Variants in SCD5 observed in about 807,000 individuals in gnomAD.
The protein encoded by SCD5 is acyl-CoA-desaturase 4.
A neutral mutation model predicts 30.4 loss-of-function variants in SCD5; 20 were observed. The ratio of observed to expected loss-of-function variants is 0.66; its 90% confidence interval spans 0.46 to 0.96. The LOEUF (loss-of-function observed/expected upper bound fraction) is 0.96. Ranked by LOEUF, SCD5 falls within the 40% of genes least tolerant of loss-of-function variation. The probability of loss-of-function intolerance (pLI) is 0.00; values close to 1 mark genes in which losing one functional copy is unlikely to be tolerated. For missense variants in SCD5, 381 were observed against 443.3 expected, an observed-to-expected ratio of 0.86 and a Z score of 1.26; for synonymous variants, 173 against 176.4, an observed-to-expected ratio of 0.98 and a Z score of 0.16.
At chr4:82,652,097 C>T (rs1405460418) in intron 3 of SCD5, among the ~76,000 whole-genome samples, 1 of 152,132 alleles carries the variant, frequency 6.6e-6, no homozygotes, top group Admixed American at 6.6e-5. Context: ...AACTACACTT[C>T]GAGGAGTGAG....
chr4:82,762,700 C>T (rs1478057523), intron 1 of SCD5, among the ~76,000 whole-genome samples: 2 of 152,102 alleles, frequency 1.3e-5, no homozygotes, highest in African/African-American at 4.8e-5. Context: ...AGGAAGGGTC[C>T]GTGTTTGCAG....
At chr4:82,633,449 A>G (rs995394296) in intron 4 of SCD5, among the ~76,000 whole-genome samples, 2 of 152,226 alleles carry the variant, frequency 1.3e-5, no homozygotes, top group Non-Finnish European at 2.9e-5. Context: ...ACATGGGAGT[A>G]TAGATATCTC....
intron 4 of SCD5, 74 bp from the exon 5 acceptor site, chr4:82,631,591 T>C: frequency 6.6e-7 from 1 of 1,506,926 alleles, no homozygotes; most frequent in Non-Finnish European, 9.0e-7. Context: ...CACCTATTTT[T>C]TCAGGGTTTA....
At chr4:82,730,214 ATATAT>A (rs892789656) in intron 1 of SCD5, among the ~76,000 whole-genome samples, 72 of 146,542 alleles carry the variant, frequency 4.9e-4, no homozygotes, top group African/African-American at 1.1e-3. Flanking sequence ...TATATAATAC[ATATAT>A]TATATTATAT....
At chr4:82,696,731 CCTAGAA>C (rs1389546714) in intron 2 of SCD5, among the ~76,000 whole-genome samples, 3 of 152,192 alleles carry the variant, frequency 2.0e-5, no homozygotes, top group African/African-American at 7.2e-5. Flanking sequence ...GGTTGGGAAA[CCTAGAA>C]AGCAGCAGCA....
chr4:82,692,664 C>T (rs1719574981), intron 2 of SCD5, among the ~76,000 whole-genome samples: 1 of 152,196 alleles, frequency 6.6e-6, no homozygotes. Context: ...CAGTGGATTT[C>T]ACACTCAAGG....
chr4:82,780,878 G>C (rs1448870210), intron 1 of SCD5, among the ~76,000 whole-genome samples: 1 of 152,262 alleles, frequency 6.6e-6, no homozygotes, highest in Non-Finnish European at 1.5e-5. Flanking sequence ...CGTCAGGGGA[G>C]GTCCGGGCAC....
intron 1 of SCD5, among the ~76,000 whole-genome samples, chr4:82,772,153 C>A (rs962044593): frequency 1.3e-5 from 2 of 152,100 alleles, no homozygotes; most frequent in African/African-American, 4.8e-5. Flanking sequence ...GAAAGGAGTC[C>A]AGAATGACAG....
chr4:82,754,559 C>G (rs769642453), intron 1 of SCD5, among the ~76,000 whole-genome samples: 3 of 151,686 alleles, frequency 2.0e-5, no homozygotes, highest in Admixed American at 2.0e-4. Context: ...CCTAACCCGA[C>G]AGGGAGGAAA....
At chr4:82,769,350 G>C (rs773458496) in intron 1 of SCD5, among the ~76,000 whole-genome samples, 1 of 152,108 alleles carries the variant, frequency 6.6e-6, no homozygotes, top group African/African-American at 2.4e-5. Context: ...AATTAATAAG[G>C]GGCCATCACA....
intron 1 of SCD5, among the ~76,000 whole-genome samples, chr4:82,788,453 T>C (rs978612920): frequency 1.3e-5 from 2 of 152,312 alleles, no homozygotes; most frequent in Non-Finnish European, 2.9e-5. Flanking sequence ...TGCAGCGGCA[T>C]GATCTCGGCT....
intron 1 of SCD5, among the ~76,000 whole-genome samples, chr4:82,777,592 G>A (rs1409483145): frequency 1.3e-5 from 2 of 152,208 alleles, no homozygotes; most frequent in Non-Finnish European, 2.9e-5. Context: ...GTGGTTAAAT[G>A]CACTGCTATC....
intron 1 of SCD5, among the ~76,000 whole-genome samples, chr4:82,778,607 C>T (rs752275813): frequency 1.3e-5 from 2 of 152,186 alleles, no homozygotes; most frequent in African/African-American, 2.4e-5. Flanking sequence ...AAACTTGCCA[C>T]TCTGATGACC....
At chr4:82,679,229 AAAG>A (rs1200174644) in intron 3 of SCD5, among the ~76,000 whole-genome samples, 8 of 101,554 alleles carry the variant, frequency 7.9e-5, no homozygotes, top group Admixed American at 5.8e-4. Flanking sequence ...GAAAAGAAAG[AAAG>A]AAAGAAAGAA....
At chr4:82,643,634 G>A (rs1481067676) in intron 3 of SCD5, among the ~76,000 whole-genome samples, 1 of 152,190 alleles carries the variant, frequency 6.6e-6, no homozygotes, top group East Asian at 1.9e-4. Context: ...TTTCTGTATA[G>A]TGGTGATGGT....
At chr4:82,727,959 C>T (rs115533905) in intron 1 of SCD5, among the ~76,000 whole-genome samples, 16,040 of 152,022 alleles carry the variant, frequency 0.11, 1,030 homozygotes, top group African/African-American at 0.17. Context: ...CTGCCCGCCT[C>T]GGCCCTCCCA....
intron 1 of SCD5, among the ~76,000 whole-genome samples, chr4:82,735,292 T>C (rs1228715135): frequency 3.3e-5 from 5 of 152,122 alleles, no homozygotes; most frequent in Admixed American, 2.0e-4. Context: ...ATTAGGTTGA[T>C]TGGCGTGTCT....
chr4:82,703,988 C>T (rs1719914504), intron 2 of SCD5, among the ~76,000 whole-genome samples: 1 of 152,212 alleles, frequency 6.6e-6, no homozygotes, highest in African/African-American at 2.4e-5. Context: ...GCCAACTGCT[C>T]CCTTATGCTT....
chr4:82,644,112 A>C (rs1270540947), intron 3 of SCD5, among the ~76,000 whole-genome samples: 3 of 152,190 alleles, frequency 2.0e-5, no homozygotes, highest in Non-Finnish European at 4.4e-5. Context: ...CTTAGGATTA[A>C]AGGACTTACT....
Sources: gnomAD v4.1 joint callset for allele counts (sites outside exome capture counted in the v4.1 genomes callset) on GRCh38, gnomAD v4.1.1 for gene constraint, MANE v1.5 for transcripts, NCBI Gene and HGNC (gene_info 2026-07-23, HGNC 2026-07-21) for gene names.